The following SYT16 variants were observed in gnomAD, a reference collection of about 807,000 sequenced individuals.
The protein encoded by SYT16 is synaptotagmin-16.
Under a neutral mutation model 61.4 loss-of-function variants are expected in SYT16, and 42 were observed. The observed-to-expected ratio is 0.68, with a 90% confidence interval of 0.53 to 0.89. The LOEUF (loss-of-function observed/expected upper bound fraction) is 0.89. Among genes scored for constraint, SYT16 ranks in the 40% least tolerant of loss-of-function variants. The pLI is 0.00. For missense variants in SYT16, 804 were observed against 807.3 expected (o/e 1.00, Z 0.05); for synonymous variants, 314 against 302.3 (o/e 1.04, Z -0.40).
At chr14:62,030,519 C>A (rs573763835) in intron 3 of SYT16, among the ~76,000 whole-genome samples, 1 of 152,174 alleles carries the variant, frequency 6.6e-6, no homozygotes, top group Non-Finnish European at 1.5e-5. Flanking sequence ...TACACCAGTC[C>A]AAATCCCATC....
At position 62,107,987 on chromosome 14, in the gene SYT16, C is replaced by G. The variant is rs545985841; in HGVS notation, c.*7280C>G. ...TAGTCAAAGGCATTGCTACCCTTTGCTTTTTGAAAGAGTGAACTGGTAACA... is the reference window on the plus strand; with the variant it reads ...TAGTCAAAGGCATTGCTACCCTTTGGTTTTTGAAAGAGTGAACTGGTAACA... On this transcript the variant is annotated 3_prime_UTR_variant, in exon 8 of 8. Coordinates refer to ENST00000683842, the MANE Select transcript of SYT16 (RefSeq NM_001367656.1). 4.6e-5 allele frequency: 7 copies of G among 152,290 alleles called. 1 individual carries two copies. The highest frequency in any genetic ancestry group is 1.7e-4 in the African/African-American group (7 of 41,568). 9.4% of individuals were successfully genotyped at this position (152,290 alleles called of 1,614,324 possible).
chr14:62,100,593 C>G lies in SYT16; in HGVS notation c.1824C>G (p.Gly608=). 3.1e-6 allele frequency: 5 copies of G among 1,613,718 alleles called. No individual in the cohort carries two copies. The highest frequency in any genetic ancestry group is 4.2e-6 in the Non-Finnish European group (5 of 1,179,790). ...RRTMKRKEMI[G]WIALGQNSSG... The stretch of plus-strand genomic sequence containing the variant: ...CTATGAAGCGTAAAGAGATGATTGG[C>G]TGGATTGCCCTGGGCCAGAACAGCA... Residue 608 remains glycine (G), a synonymous_variant, in exon 8 of 8, where the codon GGC becomes GGG. Coordinates refer to ENST00000683842, the MANE Select transcript of SYT16 (RefSeq NM_001367656.1).
chr14:62,058,206 T>C (rs2055651808), intron 3 of SYT16, among the ~76,000 whole-genome samples: 1 of 152,204 alleles, frequency 6.6e-6, no homozygotes, highest in Admixed American at 6.5e-5. Flanking sequence ...TGCTTCCAGA[T>C]TTTGACTATT....
chr14:61,980,273 C>A (rs1380680146), intron 2 of SYT16, among the ~76,000 whole-genome samples: 3 of 152,118 alleles, frequency 2.0e-5, no homozygotes, highest in African/African-American at 4.8e-5. Flanking sequence ...TTATATTGCA[C>A]TATGAAATTG....
intron 1 of SYT16, among the ~76,000 whole-genome samples, chr14:61,838,127 G>A (rs1378806258): frequency 1.3e-5 from 2 of 152,182 alleles, no homozygotes; most frequent in African/African-American, 4.8e-5. Context: ...GGATTGGAGT[G>A]AGCATTATGT....
At chr14:62,072,835 G>A (rs2056348557) in intron 4 of SYT16, among the ~76,000 whole-genome samples, 1 of 152,054 alleles carries the variant, frequency 6.6e-6, no homozygotes, top group Non-Finnish European at 1.5e-5. Context: ...GAATAATGGG[G>A]TTTTATTCCA....
intron 3 of SYT16, among the ~76,000 whole-genome samples, chr14:62,001,015 T>C (rs1289283110): frequency 6.6e-6 from 1 of 152,030 alleles, no homozygotes; most frequent in Non-Finnish European, 1.5e-5. Context: ...TGAACTGTGA[T>C]TGTGCCACTG....
intron 1 of SYT16, among the ~76,000 whole-genome samples, chr14:61,964,360 C>T (rs545263924): frequency 5.3e-5 from 8 of 151,998 alleles, no homozygotes; most frequent in Non-Finnish European, 7.4e-5. Context: ...TGATTCTAAC[C>T]CTCTTGGATG....
At chr14:62,064,072 G>A (rs2055948405) in intron 3 of SYT16, among the ~76,000 whole-genome samples, 1 of 152,092 alleles carries the variant, frequency 6.6e-6, no homozygotes, top group Admixed American at 6.5e-5. Flanking sequence ...ATTGGATGAA[G>A]AGGTAAAGAT....
intron 1 of SYT16, among the ~76,000 whole-genome samples, chr14:61,939,548 C>A (rs772688664): frequency 1.2e-4 from 19 of 152,194 alleles, no homozygotes; most frequent in Middle Eastern, 3.2e-3. Flanking sequence ...CTCCTTCTGT[C>A]TTCATACGAT....
intron 2 of SYT16, among the ~76,000 whole-genome samples, chr14:61,974,512 C>T (rs2051700328): frequency 6.6e-6 from 1 of 152,152 alleles, no homozygotes; most frequent in African/African-American, 2.4e-5. Flanking sequence ...CCAAGAGGTA[C>T]TCCTGCTGTG....
intron 5 of SYT16, among the ~76,000 whole-genome samples, chr14:62,075,635 AAAT>A: frequency 6.6e-6 from 1 of 151,094 alleles, no homozygotes. Flanking sequence ...AAAGAAAAAA[AAAT>A]AAGAATGGTG....
intron 3 of SYT16, among the ~76,000 whole-genome samples, chr14:62,016,785 T>C (rs931074568): frequency 6.6e-6 from 1 of 152,184 alleles, no homozygotes; most frequent in African/African-American, 2.4e-5. Flanking sequence ...TGCCTAAGTA[T>C]GTTTTTATAA....
intron 3 of SYT16, among the ~76,000 whole-genome samples, chr14:62,008,086 C>T (rs914222308): frequency 1.3e-5 from 2 of 151,770 alleles, no homozygotes; most frequent in Non-Finnish European, 2.9e-5. Context: ...ATATTCTTAC[C>T]TGTGTGTTTG....
chr14:62,029,772 T>C (rs1257332370), intron 3 of SYT16, among the ~76,000 whole-genome samples: 1 of 146,038 alleles, frequency 6.8e-6, no homozygotes, highest in Non-Finnish European at 1.5e-5. Flanking sequence ...TTGATGTTAG[T>C]CTAGTTGGAA....
intron 1 of SYT16, among the ~76,000 whole-genome samples, chr14:61,869,392 GT>G (rs1330044834): frequency 6.6e-6 from 1 of 151,772 alleles, no homozygotes; most frequent in Non-Finnish European, 1.5e-5. Context: ...TATATTTTAG[GT>G]TTTTTTGGCT....
intron 1 of SYT16, among the ~76,000 whole-genome samples, chr14:61,943,560 A>T (rs2050295789): frequency 6.6e-6 from 1 of 152,268 alleles, no homozygotes; most frequent in Non-Finnish European, 1.5e-5. Flanking sequence ...CATCCCTGGG[A>T]TGCAAGGCTG....
intron 1 of SYT16, chr14:61,831,768 T>C: frequency 5.2e-6 from 1 of 191,024 alleles, no homozygotes; most frequent in Non-Finnish European, 1.1e-5. Context: ...TTATTAGCAG[T>C]GGTACTGTTT....
At chr14:61,812,475 G>A (rs2045298157), upstream of SYT16, 1 of 152,046 alleles carries the variant, frequency 6.6e-6, no homozygotes, top group Admixed American at 6.6e-5. Flanking sequence ...CATCCTCTTT[G>A]GGGGAGGGGC....
Sources: gnomAD v4.1 joint callset for allele counts (sites outside exome capture counted in the v4.1 genomes callset) on GRCh38, gnomAD v4.1.1 for gene constraint, MANE v1.5 for transcripts, NCBI Gene and HGNC (gene_info 2026-07-23, HGNC 2026-07-21) for gene names.